Variants in ADGRL2 observed in about 807,000 individuals in gnomAD.
ADGRL2 encodes the protein calcium-independent alpha-latrotoxin receptor 2.
ADGRL2 carries 44 observed loss-of-function variants against 157.4 expected under a neutral mutation model. That is an observed-to-expected ratio of 0.28 (90% CI 0.22 to 0.36). The LOEUF (loss-of-function observed/expected upper bound fraction) is 0.36. Among genes scored for constraint, ADGRL2 ranks in the 10% least tolerant of loss-of-function variants. The pLI is 1.00. For missense variants in ADGRL2, 1,510 were observed against 1,768.9 expected (o/e 0.85, Z 2.63); for synonymous variants, 585 against 624.7 (o/e 0.94, Z 0.95).
chr1:81,860,616 A>G (rs2093358921), intron 2 of ADGRL2, among the ~76,000 whole-genome samples: 1 of 152,224 alleles, frequency 6.6e-6, no homozygotes, highest in South Asian at 2.1e-4. Flanking sequence ...CACAAAAGGT[A>G]CTTTGGGGAA....
chr1:81,362,572 T>C (rs1190039748), intron 1 of ADGRL2, among the ~76,000 whole-genome samples: 5 of 151,972 alleles, frequency 3.3e-5, no homozygotes, highest in Non-Finnish European at 5.9e-5. Flanking sequence ...ATTTCAAAAA[T>C]ATAAGGTATA....
At position 81,746,502 on chromosome 1, in the gene ADGRL2, C is replaced by G. The variant is rs545576343; in HGVS notation, c.-142-15309C>G. Among the ~76,000 whole-genome samples, 4 of 152,200 alleles carry G rather than the reference C, an allele frequency of 2.6e-5. No individual in the cohort carries two copies. The East Asian group carries it at 7.8e-4, about 30-fold the overall frequency. On this transcript the variant is annotated intron_variant, in intron 1 of 20. Transcript: ENST00000359929. The stretch of plus-strand genomic sequence containing the variant: ...ATGGGGTTTTACCATGTTGCCCAGG[C>G]TGGTCTTGAAATCCTGGGCTCAAGG...
chr1:81,387,348 A>G (rs2101090318), intron 1 of ADGRL2, among the ~76,000 whole-genome samples: 1 of 152,328 alleles, frequency 6.6e-6, no homozygotes, highest in East Asian at 1.9e-4. Flanking sequence ...TACTTCTGTC[A>G]TAAACTTTTA....
At chr1:81,912,176 A>G (rs1187444390) in intron 3 of ADGRL2, among the ~76,000 whole-genome samples, 1 of 151,812 alleles carries the variant, frequency 6.6e-6, no homozygotes, top group Non-Finnish European at 1.5e-5. Flanking sequence ...GGTTCAAGCA[A>G]TTCCCCAGCC....
At chr1:81,369,639 A>G (rs2076127664) in intron 1 of ADGRL2, among the ~76,000 whole-genome samples, 1 of 152,158 alleles carries the variant, frequency 6.6e-6, no homozygotes, top group African/African-American at 2.4e-5. Flanking sequence ...TTGAAAGGCC[A>G]TGTATACTTT....
chr1:81,961,710 A>T (rs1655460445), intron 11 of ADGRL2, among the ~76,000 whole-genome samples: 1 of 151,756 alleles, frequency 6.6e-6, no homozygotes. Flanking sequence ...GGGTTTCACC[A>T]TTTTGGCCAG....
chr1:81,504,218 C>T (rs1456134750), intron 2 of ADGRL2, among the ~76,000 whole-genome samples: 3 of 152,246 alleles, frequency 2.0e-5, no homozygotes, highest in Non-Finnish European at 2.9e-5. Context: ...TCATGCTCCC[C>T]GCTTGCCCTT....
chr1:81,556,457 C>T (rs2080281757), intron 2 of ADGRL2, among the ~76,000 whole-genome samples: 1 of 150,844 alleles, frequency 6.6e-6, no homozygotes, highest in Non-Finnish European at 1.5e-5. Context: ...GGATTACAGG[C>T]GTGAGCCACA....
intron 2 of ADGRL2, among the ~76,000 whole-genome samples, chr1:81,902,644 G>A (rs1029762888): frequency 1.5e-5 from 2 of 129,464 alleles, no homozygotes; most frequent in East Asian, 2.3e-4. Context: ...TCAGTCTTAA[G>A]GTCTCTGTTT....
At position 81,891,959 on chromosome 1, in the gene ADGRL2, A is replaced by AGTGTGT. The variant is rs3221626; in HGVS notation, c.74-15039_74-15034dup. Among the ~76,000 whole-genome samples, 564 of 149,464 alleles carry AGTGTGT rather than the reference A, an allele frequency of 3.8e-3. 18 individuals carry two copies. In the South Asian group the frequency reaches 0.05, roughly 13 times the overall value. On this transcript the variant is annotated intron_variant, in intron 2 of 23. Coordinates refer to ENST00000686636, the MANE Select transcript of ADGRL2 (RefSeq NM_001366006.2). ...CAGAACATAATAAGTGTGGCTAATA[A>AGTGTGT]GTGTGTGTGTGTGTGTGTGTGTGTA...
At chr1:81,797,255 GT>G (rs906273820), upstream of ADGRL2, among the ~76,000 whole-genome samples, 22 of 152,034 alleles carry the variant, frequency 1.4e-4, no homozygotes, top group African/African-American at 4.3e-4. Flanking sequence ...CATTCCACGT[GT>G]TTTTTGTTTC....
chr1:81,854,387 CAG>C (rs2093128187), intron 2 of ADGRL2, among the ~76,000 whole-genome samples: 1 of 152,260 alleles, frequency 6.6e-6, no homozygotes, highest in South Asian at 2.1e-4. Flanking sequence ...ATGGGAAAGA[CAG>C]AAAGTATAAT....
At chr1:81,704,439 G>T (rs530580628) in intron 1 of ADGRL2, among the ~76,000 whole-genome samples, 4 of 152,148 alleles carry the variant, frequency 2.6e-5, no homozygotes, top group African/African-American at 4.8e-5. Flanking sequence ...TAACAGGGGC[G>T]CTGAGCATTG....
intron 1 of ADGRL2, among the ~76,000 whole-genome samples, chr1:81,705,402 C>T (rs2083700542): frequency 1.3e-5 from 2 of 152,030 alleles, no homozygotes; most frequent in Admixed American, 6.5e-5. Context: ...TGTGCATCAC[C>T]ATGCCAGGCT....
At chr1:81,526,060 C>T (rs1386643737) in intron 2 of ADGRL2, among the ~76,000 whole-genome samples, 1 of 151,314 alleles carries the variant, frequency 6.6e-6, no homozygotes, top group Non-Finnish European at 1.5e-5. Flanking sequence ...TGTGTCTTCC[C>T]AGTTTAATTG....
intron 1 of ADGRL2, among the ~76,000 whole-genome samples, chr1:81,815,117 C>G (rs776474513): frequency 1.3e-5 from 2 of 151,610 alleles, no homozygotes; most frequent in Non-Finnish European, 3.0e-5. Context: ...AGGGAAAAAA[C>G]CCATTTGTTA....
chr1:81,652,293 A>G (rs768997706), intron 3 of ADGRL2, among the ~76,000 whole-genome samples: 3 of 152,196 alleles, frequency 2.0e-5, no homozygotes, highest in Non-Finnish European at 4.4e-5. Flanking sequence ...ACATCCTTAT[A>G]AATGTTAAGT....
At chr1:81,605,731 A>T (rs759202054) in intron 3 of ADGRL2, among the ~76,000 whole-genome samples, 2 of 152,194 alleles carry the variant, frequency 1.3e-5, no homozygotes, top group Non-Finnish European at 2.9e-5. Flanking sequence ...GCTGATTTAC[A>T]TCAGTCATTT....
intron 1 of ADGRL2, among the ~76,000 whole-genome samples, chr1:81,403,065 G>T (rs1045868316): frequency 2.6e-5 from 4 of 152,154 alleles, no homozygotes; most frequent in Admixed American, 6.5e-5. Context: ...GAACGGAAAG[G>T]TTCACTCAGT....
Sources: allele counts gnomAD v4.1 joint callset (sites outside exome capture counted in the v4.1 genomes callset), GRCh38; gene constraint gnomAD v4.1.1; transcripts MANE v1.5; gene names NCBI Gene and HGNC (gene_info 2026-07-23, HGNC 2026-07-21).